The following SEMA6D variants were observed in gnomAD, a reference collection of about 807,000 sequenced individuals.
SEMA6D encodes the protein semaphorin-6D.
A neutral mutation model predicts 106.6 loss-of-function variants in SEMA6D; 35 were observed. The observed-to-expected ratio is 0.33, with a 90% CI of 0.25 to 0.44. The LOEUF (loss-of-function observed/expected upper bound fraction) is 0.44, where lower values mean the gene tolerates loss of function less well. Ranked by LOEUF, SEMA6D falls within the 20% of genes least tolerant of loss-of-function variation. The pLI, the probability that SEMA6D is intolerant of heterozygous loss-of-function variation, is 1.00. For missense variants in SEMA6D, 1,185 were observed against 1,345.9 expected, an observed-to-expected ratio of 0.88 and a Z score of 1.87; for synonymous variants, 499 against 487.7, an observed-to-expected ratio of 1.02 and a Z score of -0.31.
intron 3 of SEMA6D, among the ~76,000 whole-genome samples, chr15:47,473,402 C>T (rs570060319): frequency 6.6e-6 from 1 of 152,214 alleles, no homozygotes; most frequent in South Asian, 2.1e-4. Context: ...AGTTCCTGAG[C>T]CAAGAGACAC....
chr15:47,674,038 C>G (rs2145446706), intron 4 of SEMA6D, among the ~76,000 whole-genome samples: 1 of 152,266 alleles, frequency 6.6e-6, no homozygotes, highest in East Asian at 1.9e-4. Context: ...CCCGGACACT[C>G]TCTTTCTATC....
At chr15:47,550,310 T>A (rs1453776122) in intron 3 of SEMA6D, among the ~76,000 whole-genome samples, 1 of 152,154 alleles carries the variant, frequency 6.6e-6, no homozygotes, top group Non-Finnish European at 1.5e-5. Context: ...CTCAAATATT[T>A]CTGTAATACC....
At chr15:47,753,241 A>T (rs1457138469) in intron 1 of SEMA6D, among the ~76,000 whole-genome samples, 3 of 152,116 alleles carry the variant, frequency 2.0e-5, no homozygotes, top group Non-Finnish European at 4.4e-5. Flanking sequence ...GAAACATAGG[A>T]TCTCCATGGA....
At chr15:47,332,478 A>G (rs1335132856) in intron 1 of SEMA6D, among the ~76,000 whole-genome samples, 1 of 152,190 alleles carries the variant, frequency 6.6e-6, no homozygotes, top group South Asian at 2.1e-4. Context: ...CTGGTTATAC[A>G]TAACCAGAAG....
intron 2 of SEMA6D, among the ~76,000 whole-genome samples, chr15:47,417,148 A>G (rs1380375214): frequency 1.3e-5 from 2 of 152,058 alleles, no homozygotes; most frequent in African/African-American, 4.8e-5. Context: ...CCACCTGCAA[A>G]AATTTTTAAT....
At chr15:47,410,617 T>C (rs543558734) in intron 1 of SEMA6D, among the ~76,000 whole-genome samples, 10 of 152,314 alleles carry the variant, frequency 6.6e-5, no homozygotes, top group South Asian at 2.1e-4. Context: ...TAATTAGTTA[T>C]TGAATTGGAT....
At chr15:47,202,602 C>G (rs1167028055) in intron 1 of SEMA6D, among the ~76,000 whole-genome samples, 3 of 152,158 alleles carry the variant, frequency 2.0e-5, no homozygotes, top group African/African-American at 7.2e-5. Context: ...TATAAAACCC[C>G]AAGTCAAACG....
chr15:47,712,710 T>C (rs192231232), upstream of SEMA6D, among the ~76,000 whole-genome samples: 38 of 152,344 alleles, frequency 2.5e-4, no homozygotes, highest in East Asian at 7.1e-3. Flanking sequence ...TCTTTCTCCT[T>C]GGTTAAGACA....
Position 47,759,807 on chromosome 15 carries a change from C to T in SEMA6D, c.9C>T (p.Val3=). ...CTTCACCTTGGCCCACCATGAGGGT[C>T]TTCCTGCTTTGTGCCTACATACTGC... MR[V]FLLCAYILLL... Residue 3 remains valine (V), a synonymous_variant, in exon 2 of 19, where the codon GTC becomes GTT. Coordinates refer to ENST00000536845, the MANE Select transcript of SEMA6D (RefSeq NM_001358351.3). The T allele has an allele frequency of 6.2e-7, 1 of 1,613,672 alleles. No individual in the cohort carries two copies.
chr15:47,566,533 G>T (rs2046233888), intron 3 of SEMA6D, among the ~76,000 whole-genome samples: 1 of 152,218 alleles, frequency 6.6e-6, no homozygotes, highest in African/African-American at 2.4e-5. Flanking sequence ...TGTCCCTGGG[G>T]CTTCCCATAG....
chr15:47,240,748 A>G (rs1036343907), intron 1 of SEMA6D, among the ~76,000 whole-genome samples: 2 of 152,212 alleles, frequency 1.3e-5, no homozygotes, highest in African/African-American at 4.8e-5. Context: ...CATGTACATA[A>G]TGATTGGTAT....
intron 1 of SEMA6D, among the ~76,000 whole-genome samples, chr15:47,250,067 G>T (rs2033424772): frequency 6.6e-6 from 1 of 152,178 alleles, no homozygotes; most frequent in Admixed American, 6.5e-5. Context: ...CTGTTCTAGA[G>T]GAGCTTGTGG....
At chr15:47,497,128 T>G (rs551367124) in intron 3 of SEMA6D, among the ~76,000 whole-genome samples, 1 of 147,004 alleles carries the variant, frequency 6.8e-6, no homozygotes, top group Non-Finnish European at 1.5e-5. Context: ...TCTTTTGTCA[T>G]CTCTTCCTTT....
At chr15:47,291,637 C>T (rs1425223996) in intron 1 of SEMA6D, among the ~76,000 whole-genome samples, 1 of 152,198 alleles carries the variant, frequency 6.6e-6, no homozygotes, top group East Asian at 1.9e-4. Context: ...CCAGATATTT[C>T]TCTACTCTGC....
At chr15:47,232,161 C>T (rs757826011) in intron 1 of SEMA6D, among the ~76,000 whole-genome samples, 1 of 151,950 alleles carries the variant, frequency 6.6e-6, no homozygotes, top group Non-Finnish European at 1.5e-5. Context: ...GAAGGTTTTT[C>T]CATGTTGCAG....
chr15:47,629,434 T>C (rs1371951792), intron 4 of SEMA6D, among the ~76,000 whole-genome samples: 1 of 151,968 alleles, frequency 6.6e-6, no homozygotes, highest in East Asian at 1.9e-4. Context: ...ATTTAAGGTT[T>C]TTTTCTCCTT....
chr15:47,625,914 A>G (rs2077193651), intron 4 of SEMA6D, among the ~76,000 whole-genome samples: 1 of 152,112 alleles, frequency 6.6e-6, no homozygotes, highest in Admixed American at 6.5e-5. Flanking sequence ...CATAATCCTA[A>G]AGTAACCATA....
intron 3 of SEMA6D, among the ~76,000 whole-genome samples, chr15:47,522,349 A>G (rs76476343): frequency 0.026 from 3,942 of 152,280 alleles, 174 homozygotes; most frequent in African/African-American, 0.09. Context: ...TCCTGGCACC[A>G]TGCATTTCTC....
intron 3 of SEMA6D, among the ~76,000 whole-genome samples, chr15:47,520,071 G>A (rs1741902000): frequency 6.6e-6 from 1 of 152,132 alleles, no homozygotes. Flanking sequence ...AAGACCTTGA[G>A]AAAAATGATC....
Sources: gnomAD v4.1 joint callset for allele counts (sites outside exome capture counted in the v4.1 genomes callset) on GRCh38, gnomAD v4.1.1 for gene constraint, MANE v1.5 for transcripts, NCBI Gene and HGNC (gene_info 2026-07-23, HGNC 2026-07-21) for gene names.